Variants in ERBB4 observed in about 807,000 individuals in gnomAD.
ERBB4 encodes receptor tyrosine-protein kinase erbB-4.
In ERBB4, 42 loss-of-function variants were observed where a neutral mutation model predicts 158.0. The observed-to-expected ratio is 0.27, with a 90% CI of 0.21 to 0.34. The LOEUF (loss-of-function observed/expected upper bound fraction) is 0.34. ERBB4 is among the 10% of genes least tolerant of loss of function. The pLI is 1.00. For missense variants in ERBB4, 1,333 were observed against 1,624.1 expected (o/e 0.82, Z 3.08); for synonymous variants, 583 against 558.7 (o/e 1.04, Z -0.61).
chr2:211,565,965 C>G (rs1319590718), intron 19 of ERBB4, among the ~76,000 whole-genome samples: 1 of 152,138 alleles, frequency 6.6e-6, no homozygotes, highest in Admixed American at 6.5e-5. Flanking sequence ...CCTAGCTGCC[C>G]CAGGGAACAA....
chr2:212,313,509 T>A (rs1275131607), intron 1 of ERBB4, among the ~76,000 whole-genome samples: 1 of 150,372 alleles, frequency 6.7e-6, no homozygotes, highest in Non-Finnish European at 1.5e-5. Context: ...TCTTCTTTTT[T>A]ACTGTCAATG....
At chr2:212,479,823 A>G (rs187031575) in intron 1 of ERBB4, among the ~76,000 whole-genome samples, 1 of 152,330 alleles carries the variant, frequency 6.6e-6, no homozygotes, top group East Asian at 1.9e-4. Context: ...TGAAAGAGGT[A>G]GCACACAGAG....
At chr2:212,231,286 C>T (rs1055826508) in intron 1 of ERBB4, among the ~76,000 whole-genome samples, 9 of 150,696 alleles carry the variant, frequency 6.0e-5, no homozygotes, top group Admixed American at 4.0e-4. Context: ...TGAGGGTGTC[C>T]GAAAGGAAAA....
chr2:211,657,709 T>C (rs1366605073), intron 16 of ERBB4, 45 bp downstream of exon 16: 4 of 1,429,352 alleles, frequency 2.8e-6, no homozygotes, highest in Non-Finnish European at 4.0e-6. Context: ...TCATGATAAC[T>C]AGGAAAGGAT....
At chr2:212,325,363 T>C (rs1474922153) in intron 1 of ERBB4, among the ~76,000 whole-genome samples, 2 of 150,522 alleles carry the variant, frequency 1.3e-5, no homozygotes, top group Non-Finnish European at 3.0e-5. Flanking sequence ...AGTGAATGAA[T>C]TGTTTCTCTG....
intron 2 of ERBB4, among the ~76,000 whole-genome samples, chr2:211,970,076 C>T (rs904886870): frequency 6.6e-6 from 1 of 152,070 alleles, no homozygotes; most frequent in South Asian, 2.1e-4. Flanking sequence ...GTGTCCCAGA[C>T]ATTGTGGGAC....
At chr2:211,818,087 A>T (rs1319378366) in intron 3 of ERBB4, among the ~76,000 whole-genome samples, 1 of 152,102 alleles carries the variant, frequency 6.6e-6, no homozygotes, top group Non-Finnish European at 1.5e-5. Flanking sequence ...AAAATTGACA[A>T]ATTGAAGATC....
chr2:211,667,111 G>A (rs567639571), intron 14 of ERBB4, among the ~76,000 whole-genome samples: 1 of 151,174 alleles, frequency 6.6e-6, no homozygotes, highest in Non-Finnish European at 1.5e-5. Flanking sequence ...AAAAAAAATT[G>A]CAAAAAAACT....
chr2:212,444,597 T>G (rs1316396922), intron 1 of ERBB4, among the ~76,000 whole-genome samples: 1 of 152,058 alleles, frequency 6.6e-6, no homozygotes, highest in Non-Finnish European at 1.5e-5. Flanking sequence ...GATATGATGA[T>G]CCATTCTATG....
At chr2:212,349,579 G>A (rs2371573) in intron 1 of ERBB4, among the ~76,000 whole-genome samples, 69,992 of 151,866 alleles carry the variant, frequency 0.46, 18,328 homozygotes, top group East Asian at 0.79. Flanking sequence ...GGGAACTGAT[G>A]TCCCCAAGAA....
intron 20 of ERBB4, among the ~76,000 whole-genome samples, chr2:211,512,727 C>A (rs1276534305): frequency 3.3e-5 from 5 of 152,046 alleles, no homozygotes; most frequent in Non-Finnish European, 7.4e-5. Flanking sequence ...TTTAAAAGGG[C>A]ATATTGTTCT....
chr2:212,422,137 A>G (rs1209025287), intron 1 of ERBB4, among the ~76,000 whole-genome samples: 1 of 152,182 alleles, frequency 6.6e-6, no homozygotes, highest in Admixed American at 6.6e-5. Flanking sequence ...TAATTGCTCA[A>G]TGGGATAATA....
intron 25 of ERBB4, 96 bp downstream of exon 25, chr2:211,420,345 A>C: frequency 1.2e-6 from 1 of 865,680 alleles, no homozygotes; most frequent in Non-Finnish European, 1.9e-6. Context: ...CATTGATTTG[A>C]GCTATATAAT....
At chr2:211,944,215 C>CATATATATATATATAGTATATATAT (rs1559155471) in intron 3 of ERBB4, among the ~76,000 whole-genome samples, 1 of 110,496 alleles carries the variant, frequency 9.1e-6, no homozygotes, top group African/African-American at 4.0e-5. Flanking sequence ...TATATATATA[C>CATATATATATATATAGTATATATAT]ACACACACAC....
intron 2 of ERBB4, among the ~76,000 whole-genome samples, chr2:212,029,241 T>G (rs1213528754): frequency 1.8e-4 from 28 of 152,120 alleles, no homozygotes; most frequent in Admixed American, 1.8e-3. Flanking sequence ...GTCACAGAGC[T>G]GTAATACTGC....
At chr2:212,253,225 T>C (rs116586763) in intron 1 of ERBB4, among the ~76,000 whole-genome samples, 1,706 of 152,206 alleles carry the variant, frequency 0.011, 39 homozygotes, top group African/African-American at 0.039. Flanking sequence ...GTTACAAATT[T>C]CCTGGTAACC....
intron 1 of ERBB4, among the ~76,000 whole-genome samples, chr2:212,209,577 T>A (rs952805055): frequency 6.6e-6 from 1 of 152,072 alleles, no homozygotes; most frequent in African/African-American, 2.4e-5. Flanking sequence ...TCTGAGCTTC[T>A]TGCTTATTAG....
At position 212,460,470 on chromosome 2, in the gene ERBB4, G is replaced by A. The variant is rs910884897; in HGVS notation, c.82+77979C>T. Reference sequence around the variant, plus strand: ...TGATACGAATAATAAGGTCCAGGCTGAGGTGGTCTCAGATGGAGATGAGGA... The same window carrying A: ...TGATACGAATAATAAGGTCCAGGCTAAGGTGGTCTCAGATGGAGATGAGGA... On this transcript the variant is annotated intron_variant, in intron 1 of 27. Coordinates refer to ENST00000342788, the MANE Select transcript of ERBB4 (RefSeq NM_005235.3). 2.0e-5 allele frequency among the ~76,000 whole-genome samples: 3 copies of A among 152,194 alleles called. No homozygotes were observed. The South Asian group carries it at 6.2e-4, about 31-fold the overall frequency.
At chr2:211,676,071 G>T (rs6705988) in intron 13 of ERBB4, among the ~76,000 whole-genome samples, 87,212 of 151,776 alleles carry the variant, frequency 0.57, 26,124 homozygotes, top group African/African-American at 0.71. Context: ...TGATGAGATC[G>T]TTTGCCCAAG....
Sources: allele counts gnomAD v4.1 joint callset (sites outside exome capture counted in the v4.1 genomes callset), GRCh38; gene constraint gnomAD v4.1.1; transcripts MANE v1.5; gene names NCBI Gene and HGNC (gene_info 2026-07-23, HGNC 2026-07-21).